Variants in VIPR2 observed in about 807,000 individuals in gnomAD.
The protein encoded by VIPR2 is vasoactive intestinal polypeptide receptor 2.
Under a neutral mutation model 58.0 loss-of-function variants are expected in VIPR2, and 48 were observed. The observed-to-expected ratio is 0.83, with a 90% CI of 0.66 to 1.05. The LOEUF (loss-of-function observed/expected upper bound fraction) is 1.05, where lower values mean the gene tolerates loss of function less well. Ranked by LOEUF, VIPR2 falls within the 50% of genes least tolerant of loss-of-function variation. VIPR2 has a pLI of 0.00. For missense variants in VIPR2, 534 were observed against 558.0 expected, an observed-to-expected ratio of 0.96 and a Z score of 0.43; for synonymous variants, 243 against 235.2, an observed-to-expected ratio of 1.03 and a Z score of -0.30.
chr7:159,144,623 C>G, intron 1 of VIPR2, 98 bp downstream of exon 1: 1 of 1,384,458 alleles, frequency 7.2e-7, no homozygotes, highest in South Asian at 1.6e-5. Context: ...CGCTCCAGCA[C>G]CCGGGAGGAA....
rs1239510118 is a variant in VIPR2, at chr7:159,030,769, T to G, written c.1164A>C (p.Arg388=). 1.9e-6 allele frequency: 3 copies of G among 1,594,786 alleles called. No homozygotes were observed. Among genetic ancestry groups the G allele is most frequent in the South Asian group, 1.1e-5 (1 of 88,218 alleles). Residue 388 remains arginine, a synonymous_variant, in exon 13 of 13, where the codon CGA becomes CGC. Coordinates refer to ENST00000262178, the MANE Select transcript of VIPR2 (RefSeq NM_003382.5). ...GGGTCGGGCACCGGCTTCGCCATTT[T>G]CGCTTCAGCTCGCACTGCACCTGGG... The part of the protein sequence containing the change: ...LNSEVQCELK[R]KWRSRCPTPS...
In VIPR2 at chr7:159,136,882, G is replaced by T. The variant is rs144257954; in HGVS notation, c.151+5564C>A. ...ACTCGTCACCAACCCCCACCAGCAG[G>T]ACAGGAAGCAGCCAGGTTCTGAGGA... On this transcript the variant is annotated intron_variant, in intron 2 of 12. Transcript: ENST00000262178. Among the ~76,000 whole-genome samples, 833 of 152,300 alleles carry T rather than the reference G, an allele frequency of 5.5e-3. 18 individuals carry two copies. Among genetic ancestry groups the T allele is most frequent in the Admixed American group, 0.024 (360 of 15,296 alleles).
chr7:159,110,063 C>T lies in VIPR2; in HGVS notation c.152-144G>A, dbSNP rs1795933047. On this transcript the variant is annotated intron_variant, in intron 2 of 12. Coordinates refer to ENST00000262178, the MANE Select transcript of VIPR2 (RefSeq NM_003382.5). ...ACACAATTATTGAGACTATAGTTAG[C>T]TTGTGGGTTCATCTCAATTAGCTTT... 32 of 730,842 alleles carry T rather than the reference C, an allele frequency of 4.4e-5. No homozygotes were observed. In the East Asian group the frequency reaches 8.1e-4, roughly 19 times the overall value. The allele number at this position is 730,842 out of a possible 1,614,324, so 45.3% of individuals were successfully genotyped here.
At chr7:159,069,347 G>T (rs1856262164) in intron 4 of VIPR2, among the ~76,000 whole-genome samples, 1 of 152,158 alleles carries the variant, frequency 6.6e-6, no homozygotes, top group South Asian at 2.1e-4. Flanking sequence ...CCCACGTGCA[G>T]TCTGGCTGGG....
intron 5 of VIPR2, among the ~76,000 whole-genome samples, chr7:159,048,505 G>A (rs925003698): frequency 2.0e-5 from 3 of 152,132 alleles, no homozygotes; most frequent in African/African-American, 7.2e-5. Flanking sequence ...ACAAATCAGT[G>A]ACCAAATTGA....
intron 4 of VIPR2, among the ~76,000 whole-genome samples, chr7:159,063,314 C>T (rs752163175): frequency 6.6e-6 from 1 of 152,120 alleles, no homozygotes; most frequent in Admixed American, 6.5e-5. Context: ...CGCGAGAATT[C>T]GAGCACACTG....
chr7:159,118,376 A>C (rs1010675907), intron 2 of VIPR2, among the ~76,000 whole-genome samples: 10 of 152,190 alleles, frequency 6.6e-5, no homozygotes, highest in African/African-American at 2.2e-4. Context: ...TGTCTCAAGG[A>C]GCTGCATGTG....
At chr7:159,114,820 A>G (rs765591191) in intron 2 of VIPR2, among the ~76,000 whole-genome samples, 36 of 137,366 alleles carry the variant, frequency 2.6e-4, no homozygotes, top group Non-Finnish European at 3.9e-4. Flanking sequence ...AGAGAGGGAG[A>G]GAGAAAGGAA....
intron 10 of VIPR2, among the ~76,000 whole-genome samples, chr7:159,033,524 C>A (rs944421094): frequency 3.7e-4 from 57 of 152,172 alleles, no homozygotes; most frequent in African/African-American, 1.3e-3. Flanking sequence ...TTTATGGAGT[C>A]TTTGCATTAC....
intron 2 of VIPR2, among the ~76,000 whole-genome samples, chr7:159,111,348 G>GT (rs1230016556): frequency 2.6e-5 from 4 of 152,152 alleles, no homozygotes; most frequent in Admixed American, 2.6e-4. Flanking sequence ...TATTTTGAAG[G>GT]TTCAGCTTTT....
In VIPR2 at chr7:159,043,124, T is replaced by G; in HGVS notation, c.508A>C (p.Ile170Leu). The change falls in exon 6 of 13, where the codon ATC becomes CTC. Residue 170 changes from isoleucine to leucine, a missense_variant. This residue lies in a region of VIPR2 where 224 missense variants were observed against 255.7 expected (regional missense o/e 0.88). Transcript: ENST00000262178. ...YIHLNLFLSF[I>L]LRAISVLVKD... is the part of the protein sequence containing the mutation. ...ACCAGCACTGAGATGGCTCTCAGGATGAAGGACAGGAACAGGTTCAGGTGG... is the reference window on the plus strand; with the variant it reads ...ACCAGCACTGAGATGGCTCTCAGGAGGAAGGACAGGAACAGGTTCAGGTGG... 1 of 1,612,878 alleles carries G rather than the reference T, an allele frequency of 6.2e-7. No homozygotes were observed. The highest frequency in any genetic ancestry group is 8.5e-7 in the Non-Finnish European group (1 of 1,179,854).
intron 5 of VIPR2, 41 bp downstream of exon 5, chr7:159,058,440 G>A (rs1478064054): frequency 6.3e-7 from 1 of 1,575,614 alleles, no homozygotes; most frequent in East Asian, 2.2e-5. Context: ...AACTTTGCTT[G>A]TCTTGTATTC....
intron 2 of VIPR2, among the ~76,000 whole-genome samples, chr7:159,131,382 A>G (rs538798972): frequency 1.3e-5 from 2 of 152,222 alleles, no homozygotes; most frequent in South Asian, 4.1e-4. Context: ...GTGCAGAATG[A>G]CAAGATGAGA....
chr7:159,144,007 A>C (rs2058445), intron 1 of VIPR2, among the ~76,000 whole-genome samples: 49,699 of 152,178 alleles, frequency 0.33, 8,275 homozygotes, highest in Middle Eastern at 0.37. Context: ...GGGGCCGCGG[A>C]TCGATCCAGA....
intron 4 of VIPR2, among the ~76,000 whole-genome samples, chr7:159,103,105 C>A (rs73169249): frequency 0.12 from 18,238 of 152,180 alleles, 1,269 homozygotes; most frequent in East Asian, 0.16. Flanking sequence ...CCACACATCC[C>A]ACACTCGGGA....
chr7:159,141,141 C>G (rs1005638580), intron 2 of VIPR2, among the ~76,000 whole-genome samples: 1 of 152,242 alleles, frequency 6.6e-6, no homozygotes, highest in Non-Finnish European at 1.5e-5. Context: ...CATGGCCACG[C>G]TGCTGCTTCT....
intron 5 of VIPR2, among the ~76,000 whole-genome samples, chr7:159,046,995 G>A (rs898691510): frequency 2.0e-5 from 3 of 152,212 alleles, no homozygotes; most frequent in African/African-American, 7.2e-5. Context: ...AGTACTTTGG[G>A]AGGCCGAGGC....
chr7:159,058,022 C>T (rs1038371254), intron 5 of VIPR2, among the ~76,000 whole-genome samples: 6 of 152,176 alleles, frequency 3.9e-5, no homozygotes, highest in African/African-American at 1.4e-4. Flanking sequence ...ATTACAGAAG[C>T]ACAGACAAGT....
At chr7:159,131,476 G>A (rs375998395) in intron 2 of VIPR2, among the ~76,000 whole-genome samples, 1 of 152,122 alleles carries the variant, frequency 6.6e-6, no homozygotes, top group Non-Finnish European at 1.5e-5. Flanking sequence ...AGTTCATCTG[G>A]TCTGATGTAA....
Sources: gnomAD v4.1 joint callset for allele counts (sites outside exome capture counted in the v4.1 genomes callset) on GRCh38, gnomAD v4.1.1 for gene constraint, gnomAD v4.1.1 regional missense constraint, MANE v1.5 for transcripts, NCBI Gene and HGNC (gene_info 2026-07-23, HGNC 2026-07-21) for gene names.